DNAH5: variants seen among roughly 807,000 people sequenced by gnomAD.
The protein encoded by DNAH5 is dynein axonemal heavy chain 5, also known as axonemal beta dynein heavy chain 5.
Under a neutral mutation model 518.2 loss-of-function variants are expected in DNAH5, and 372 were observed. The observed-to-expected ratio is 0.72, with a 90% confidence interval of 0.66 to 0.78. The LOEUF is 0.78. Among genes scored for constraint, DNAH5 ranks in the 30% least tolerant of loss-of-function variants. DNAH5 has a pLI of 0.00. For missense variants in DNAH5, 5,523 were observed against 5,687.0 expected, an observed-to-expected ratio of 0.97 and a Z score of 0.93; for synonymous variants, 2,039 against 2,025.9, an observed-to-expected ratio of 1.01 and a Z score of -0.17.
At chr5:13,701,590 G>GT (rs1742130667) in intron 76 of DNAH5, among the ~76,000 whole-genome samples, 154 bp from the exon 77 acceptor site, 2 of 151,588 alleles carry the variant, frequency 1.3e-5, no homozygotes, top group Non-Finnish European at 2.9e-5. Flanking sequence ...GGATTCTGGC[G>GT]TAAGTGTTTC....
At chr5:14,006,161 T>C (rs140987628) in intron 1 of DNAH5, among the ~76,000 whole-genome samples, 7 of 152,314 alleles carry the variant, frequency 4.6e-5, no homozygotes, top group African/African-American at 1.4e-4. Flanking sequence ...TCTGAATGAC[T>C]TGAGTTTCAG....
At chr5:13,820,287 A>C in intron 41 of DNAH5, 59 bp downstream of exon 41, 1 of 1,584,496 alleles carries the variant, frequency 6.3e-7, no homozygotes, top group Non-Finnish European at 8.6e-7. Flanking sequence ...TTGGGCATTC[A>C]AATGGGTCAC....
intron 68 of DNAH5, among the ~76,000 whole-genome samples, chr5:13,732,693 T>C (rs756626347): frequency 6.6e-6 from 1 of 152,084 alleles, no homozygotes; most frequent in Non-Finnish European, 1.5e-5. Context: ...AGGGCATCAA[T>C]CCCTTATCTT....
At chr5:13,798,655 CA>C (rs955957829) in intron 47 of DNAH5, among the ~76,000 whole-genome samples, 5 of 145,760 alleles carry the variant, frequency 3.4e-5, no homozygotes, top group Admixed American at 2.1e-4. Flanking sequence ...AAATATAAGA[CA>C]AAAAAAAGCA....
At chr5:13,920,187 A>G (rs932516011) in intron 6 of DNAH5, among the ~76,000 whole-genome samples, 69 of 152,250 alleles carry the variant, frequency 4.5e-4, no homozygotes, top group African/African-American at 1.7e-3. Context: ...AAAACTCCTC[A>G]TGCTTCTACA....
chr5:13,715,056 G>A (rs1279090184), intron 74 of DNAH5, among the ~76,000 whole-genome samples: 1 of 152,136 alleles, frequency 6.6e-6, no homozygotes, highest in Non-Finnish European at 1.5e-5. Flanking sequence ...AAGGCAGCAC[G>A]TGGGAGTCAT....
chr5:13,997,461 T>C (rs2152079619), intron 1 of DNAH5, among the ~76,000 whole-genome samples: 1 of 152,350 alleles, frequency 6.6e-6, no homozygotes, highest in Admixed American at 6.5e-5. Context: ...TCAAATGACC[T>C]TTACTATTCA....
chr5:13,806,853 T>C (rs1759687220), intron 47 of DNAH5, among the ~76,000 whole-genome samples: 1 of 152,200 alleles, frequency 6.6e-6, no homozygotes, highest in Non-Finnish European at 1.5e-5. Flanking sequence ...CTCACACTTC[T>C]GTGATACATA....
At chr5:13,847,715 C>A (rs1258411968) in intron 31 of DNAH5, among the ~76,000 whole-genome samples, 3 of 148,780 alleles carry the variant, frequency 2.0e-5, no homozygotes, top group Admixed American at 6.7e-5. Flanking sequence ...AAGAGTGAGA[C>A]CTCATCTCAA....
At chr5:13,991,016 T>C (rs9312858) in intron 1 of DNAH5, among the ~76,000 whole-genome samples, 55,392 of 152,042 alleles carry the variant, frequency 0.36, 10,941 homozygotes, top group East Asian at 0.81. Flanking sequence ...AAATCCCTCC[T>C]GCGGGCTGCT....
intron 25 of DNAH5, among the ~76,000 whole-genome samples, chr5:13,867,082 C>T (rs1163404831): frequency 1.3e-5 from 2 of 152,214 alleles, no homozygotes; most frequent in African/African-American, 4.8e-5. Flanking sequence ...ACAATTATAA[C>T]TGCATGCGAA....
chr5:13,810,113 G>C lies in DNAH5; in HGVS notation c.7555C>G (p.Pro2519Ala). 6.4e-7 allele frequency: 1 copy of C among 1,550,680 alleles called. No homozygotes were observed. Among genetic ancestry groups the C allele is most frequent in the Non-Finnish European group, 8.7e-7 (1 of 1,147,480 alleles). ...RSRPTGTLEL[P>A]PPAGPGDTAF... ...GTGTCCCCGGGCCCCGCTGGCGGCG[G>C]CAGCTCCAGCGTCCCTGTGGGCCGA... Residue 2519 changes from proline to alanine, a missense_variant, in exon 45 of 79, where the codon CCG becomes GCG. This residue lies in a region of DNAH5 where 5,121 missense variants were observed against 5,223.3 expected (regional missense o/e 0.98). Coordinates refer to ENST00000265104, the MANE Select transcript of DNAH5 (RefSeq NM_001369.3).
rs1463202591 is a variant in DNAH5, at chr5:13,871,013, C to G, written c.3599-11G>C. The G allele has an allele frequency of 1.2e-6, 2 of 1,604,174 alleles. No individual in the cohort carries two copies. The highest frequency in any genetic ancestry group is 3.3e-5 in the Admixed American group (2 of 59,718). On this transcript the variant is annotated splice_polypyrimidine_tract_variant and intron_variant, in intron 23 of 78. Transcript: ENST00000265104. ...CGAACTTCAAGTCAGCTGTAAAAAC[C>G]CAAATGTCTACAGTTCAGTTTTAAA...
chr5:13,928,974 C>T (rs1032629921), intron 2 of DNAH5, among the ~76,000 whole-genome samples: 2 of 152,098 alleles, frequency 1.3e-5, no homozygotes, highest in South Asian at 2.1e-4. Context: ...CCACATGATC[C>T]GGGAACTCCA....
intron 60 of DNAH5, among the ~76,000 whole-genome samples, chr5:13,760,578 A>G (rs1561193196): frequency 6.6e-6 from 1 of 152,224 alleles, no homozygotes; most frequent in African/African-American, 2.4e-5. Flanking sequence ...GGAGAATCTC[A>G]TTATAAGGAA....
intron 1 of DNAH5, among the ~76,000 whole-genome samples, chr5:14,011,569 C>T (rs1234339911): frequency 6.6e-6 from 1 of 152,174 alleles, no homozygotes; most frequent in Non-Finnish European, 1.5e-5. Flanking sequence ...GCCAGGGAAC[C>T]CCGGGCCGCT....
At chr5:13,698,228 A>G (rs567966316) in intron 78 of DNAH5, among the ~76,000 whole-genome samples, 1 of 152,320 alleles carries the variant, frequency 6.6e-6, no homozygotes, top group South Asian at 2.1e-4. Context: ...TCTATTGTCT[A>G]TCACATGCCC....
chr5:13,853,487 G>T (rs751969032), intron 30 of DNAH5, among the ~76,000 whole-genome samples: 2 of 151,990 alleles, frequency 1.3e-5, no homozygotes, highest in Admixed American at 1.3e-4. Flanking sequence ...ACAACTCCTC[G>T]CCAGCAAGGG....
At chr5:13,976,271 T>C (rs1782234886) in intron 1 of DNAH5, among the ~76,000 whole-genome samples, 1 of 152,232 alleles carries the variant, frequency 6.6e-6, no homozygotes, top group African/African-American at 2.4e-5. Context: ...TTTCCTCAGT[T>C]GCCTGCAGCC....
Sources: gnomAD v4.1 joint callset for allele counts (sites outside exome capture counted in the v4.1 genomes callset) on GRCh38, gnomAD v4.1.1 for gene constraint, gnomAD v4.1.1 regional missense constraint, MANE v1.5 for transcripts, NCBI Gene and HGNC (gene_info 2026-07-23, HGNC 2026-07-21) for gene names.